RIPK2: variants seen among roughly 807,000 people sequenced by gnomAD.
RIPK2 encodes receptor-interacting serine/threonine-protein kinase 2.
RIPK2 carries 38 observed loss-of-function variants against 60.9 expected under a neutral mutation model. The ratio of observed to expected loss-of-function variants is 0.62; its 90% CI spans 0.48 to 0.82. The LOEUF (loss-of-function observed/expected upper bound fraction) is 0.82. Ranked by LOEUF, RIPK2 falls within the 40% of genes least tolerant of loss-of-function variation. The pLI, the probability that RIPK2 is intolerant of heterozygous loss-of-function variation, is 0.00. For missense variants in RIPK2, 518 were observed against 647.0 expected (o/e 0.80, Z 2.16); for synonymous variants, 225 against 223.4 (o/e 1.01, Z -0.06).
chr8:89,769,985 C>A, intron 4 of RIPK2, 56 bp downstream of exon 4: 1 of 1,354,446 alleles, frequency 7.4e-7, no homozygotes, highest in Non-Finnish European at 9.9e-7. Context: ...CAAAATTAGT[C>A]AACCAGAATT....
At chr8:89,766,233 T>C (rs1809227565) in intron 3 of RIPK2, among the ~76,000 whole-genome samples, 1 of 151,882 alleles carries the variant, frequency 6.6e-6, no homozygotes, top group Admixed American at 6.6e-5. Context: ...AGTTAACCAT[T>C]CAGGAACATT....
chr8:89,759,520 C>G, intron 1 of RIPK2: 1 of 409,052 alleles, frequency 2.4e-6, no homozygotes, highest in Admixed American at 2.6e-5. Context: ...CTGCCTGTGG[C>G]TTTTCTTCAT....
intron 6 of RIPK2, among the ~76,000 whole-genome samples, chr8:89,774,396 G>A (rs1809363142): frequency 6.6e-6 from 1 of 152,160 alleles, no homozygotes; most frequent in South Asian, 2.1e-4. Context: ...AAAATAACAA[G>A]TGTTGACAGT....
At chr8:89,769,130 T>C (rs946483343) in intron 3 of RIPK2, among the ~76,000 whole-genome samples, 2 of 151,870 alleles carry the variant, frequency 1.3e-5, no homozygotes, top group Admixed American at 1.3e-4. Context: ...ACAGGACATA[T>C]CAAAGGCACA....
chr8:89,790,274 C>A lies in RIPK2; in HGVS notation c.1481C>A (p.Thr494Asn), dbSNP rs367938611. 6.2e-7 allele frequency: 1 copy of A among 1,614,086 alleles called. No homozygotes were observed. The highest frequency in any genetic ancestry group is 8.5e-7 in the Non-Finnish European group (1 of 1,179,990). Residue 494 changes from threonine to asparagine, a missense_variant, in exon 11 of 11, where the codon ACT becomes AAT. Physicochemically the swap from Thr to Asn is moderately conservative, Grantham distance 65. Transcript: ENST00000220751. The part of the protein sequence containing the change: ...TSKVRQLLDT[T>N]DIQGEEFAKV... ...AAAGTCAGACAATTACTAGACACTA[C>A]TGACATCCAAGGAGAAGAATTTGCC...
At chr8:89,787,892 A>G (rs1809612068) in intron 9 of RIPK2, among the ~76,000 whole-genome samples, 1 of 152,170 alleles carries the variant, frequency 6.6e-6, no homozygotes, top group Admixed American at 6.5e-5. Context: ...TACAGAATGA[A>G]AGAAAGGAGG....
chr8:89,783,421 C>T (rs1809532416), intron 7 of RIPK2, among the ~76,000 whole-genome samples: 2 of 152,138 alleles, frequency 1.3e-5, no homozygotes, highest in African/African-American at 4.8e-5. Flanking sequence ...ATTTTCCTCA[C>T]AGTAATCCTT....
chr8:89,783,797 C>T (rs1003600458), intron 7 of RIPK2, among the ~76,000 whole-genome samples: 10 of 152,026 alleles, frequency 6.6e-5, no homozygotes, highest in African/African-American at 2.2e-4. Context: ...TGTTAGATTT[C>T]GAGGATGAAG....
At chr8:89,771,633 C>A in intron 4 of RIPK2, 108 bp from the exon 5 acceptor site, 1 of 663,218 alleles carries the variant, frequency 1.5e-6, no homozygotes. Context: ...GCTGCCTTAT[C>A]ACTTTGAAAA....
rs1182895195 is a variant in RIPK2, at chr8:89,757,939, A to G, written c.-122A>G. On this transcript the variant is annotated 5_prime_UTR_variant, in exon 1 of 11. Transcript: ENST00000220751. ...CCCTCGTGACCTAGTGTTGCGGGGC[A>G]AAAAGGGTCTTGCCGGCCTCGCTCG... is the stretch of plus-strand genomic sequence containing the variant. 5 of 1,407,474 alleles carry G rather than the reference A, an allele frequency of 3.6e-6. No individual in the cohort carries two copies. The East Asian group carries it at 8.2e-5, about 23-fold the overall frequency. 87.2% of individuals were successfully genotyped at this position (1,407,474 alleles called of 1,614,324 possible). A position where few individuals can be genotyped will look rare whatever the true frequency, so the allele number is the denominator to read the frequency against.
chr8:89,758,852 A>G (rs1769363446), intron 1 of RIPK2, among the ~76,000 whole-genome samples: 2 of 152,256 alleles, frequency 1.3e-5, no homozygotes, highest in Admixed American at 1.3e-4. Context: ...TGGGTTAAAT[A>G]TAAGATTAAA....
chr8:89,778,080 TAAAG>T (rs1324851305), intron 6 of RIPK2, among the ~76,000 whole-genome samples: 5 of 151,564 alleles, frequency 3.3e-5, no homozygotes, highest in African/African-American at 1.2e-4. Flanking sequence ...AATAAAAAAA[TAAAG>T]GAAGCTTGAA....
At position 89,769,841 on chromosome 8, in the gene RIPK2, C is replaced by T. The variant is rs147448769; in HGVS notation, c.553C>T (p.Pro185Ser). The change falls in exon 4 of 11, where the codon CCA (proline) becomes TCA (serine). Residue 185 changes from proline to serine, a missense_variant. Around this residue, in one of 3 missense-constraint regions of RIPK2, gnomAD observed 448 missense variants for 534.7 expected, o/e 0.84. Coordinates refer to ENST00000220751, the MANE Select transcript of RIPK2 (RefSeq NM_003821.6). ...LSQSRSSKSAPEGGTIIYMPP... is the reference protein window; with the variant it reads ...LSQSRSSKSASEGGTIIYMPP... The stretch of plus-strand genomic sequence containing the variant: ...ACAGTCACGAAGTAGCAAATCTGCA[C>T]CAGAAGGAGGGACAATTATCTATAT... 1 of 1,608,684 alleles carries T rather than the reference C, an allele frequency of 6.2e-7. No individual in the cohort carries two copies. Among genetic ancestry groups the T allele is most frequent in the Non-Finnish European group, 8.5e-7 (1 of 1,177,044 alleles).
intron 7 of RIPK2, 22 bp downstream of exon 7, chr8:89,780,182 T>C: frequency 8.0e-7 from 1 of 1,245,864 alleles, no homozygotes. Context: ...AATGAAATGC[T>C]GGAAATTAGA....
At chr8:89,781,386 A>G (rs1809498382) in intron 7 of RIPK2, among the ~76,000 whole-genome samples, 2 of 134,652 alleles carry the variant, frequency 1.5e-5, no homozygotes, top group Non-Finnish European at 1.5e-5. Flanking sequence ...TAGTTTTTAA[A>G]GACAGGGTCT....
chr8:89,772,669 G>C lies in RIPK2; in HGVS notation c.694G>C (p.Val232Leu). 6.3e-7 allele frequency: 1 copy of C among 1,592,988 alleles called. No homozygotes were observed. Among genetic ancestry groups the C allele is most frequent in the Non-Finnish European group, 8.6e-7 (1 of 1,169,188 alleles). Residue 232 changes from valine (V) to leucine (L), a missense_variant and splice_region_variant, in exon 6 of 11, where the codon GTC (valine) becomes CTC (leucine). Coordinates refer to ENST00000220751, the MANE Select transcript of RIPK2 (RefSeq NM_003821.6). ...VLSRKQPFED[V>L]TNPLQIMYSV... Reference sequence around the variant, plus strand: ...ATGCAATCTATTTGTTTTGACAGATGTCACCAATCCTTTGCAGATAATGTA... The same window carrying C: ...ATGCAATCTATTTGTTTTGACAGATCTCACCAATCCTTTGCAGATAATGTA...
At chr8:89,767,694 T>C (rs1356651874) in intron 3 of RIPK2, among the ~76,000 whole-genome samples, 1 of 151,796 alleles carries the variant, frequency 6.6e-6, no homozygotes, top group Admixed American at 6.6e-5. Flanking sequence ...TGTGACATTT[T>C]CTTAAATGAT....
intron 8 of RIPK2, among the ~76,000 whole-genome samples, chr8:89,784,812 T>C (rs774720716): frequency 1.3e-5 from 2 of 152,174 alleles, no homozygotes; most frequent in Non-Finnish European, 2.9e-5. Flanking sequence ...ACAATTCTGG[T>C]AGCCAGAAAG....
intron 1 of RIPK2, among the ~76,000 whole-genome samples, chr8:89,761,768 C>G (rs1809150029): frequency 6.6e-6 from 1 of 151,822 alleles, no homozygotes; most frequent in South Asian, 2.1e-4. Context: ...GCAAACAAAC[C>G]GTCAATCACT....
Sources: allele counts gnomAD v4.1 joint callset (sites outside exome capture counted in the v4.1 genomes callset), GRCh38; gene constraint gnomAD v4.1.1; regional missense constraint gnomAD v4.1.1; transcripts MANE v1.5; gene names NCBI Gene and HGNC (gene_info 2026-07-23, HGNC 2026-07-21).